The following RASGEF1B variants were observed in gnomAD, a reference collection of about 807,000 sequenced individuals.
RASGEF1B encodes ras-GEF domain-containing family member 1B.
Under a neutral mutation model 65.7 loss-of-function variants are expected in RASGEF1B, and 30 were observed. That is an observed-to-expected ratio of 0.46 (90% confidence interval 0.34 to 0.62). The LOEUF (loss-of-function observed/expected upper bound fraction) is 0.62. Ranked by LOEUF, RASGEF1B falls within the 20% of genes least tolerant of loss-of-function variation. The pLI, the probability that RASGEF1B is intolerant of heterozygous loss-of-function variation, is 0.01. For missense variants in RASGEF1B, 495 were observed against 580.1 expected (o/e 0.85, Z 1.51); for synonymous variants, 175 against 194.8 (o/e 0.90, Z 0.85).
chr4:81,430,717 C>T (rs1721400977), intron 13 of RASGEF1B, among the ~76,000 whole-genome samples: 1 of 152,224 alleles, frequency 6.6e-6, no homozygotes, highest in South Asian at 2.1e-4. Flanking sequence ...GTGAACAGTA[C>T]AGACGTGGGA....
chr4:81,446,735 A>G (rs1722036276), intron 6 of RASGEF1B, among the ~76,000 whole-genome samples: 1 of 152,190 alleles, frequency 6.6e-6, no homozygotes, highest in Non-Finnish European at 1.5e-5. Context: ...GCCAGCTTGA[A>G]GAGGCTAATT....
chr4:81,434,571 A>C, intron 11 of RASGEF1B, 68 bp downstream of exon 11: 1 of 866,494 alleles, frequency 1.2e-6, no homozygotes. Context: ...CTGGCCAGGA[A>C]TGCGGTGCTG....
chr4:81,445,885 T>G (rs1722006447), intron 6 of RASGEF1B, 47 bp from the exon 7 acceptor site: 1 of 1,354,312 alleles, frequency 7.4e-7, no homozygotes, highest in Non-Finnish European at 1.1e-6. Flanking sequence ...AAAAAAACAA[T>G]GTAGTGGACT....
Position 81,431,327 on chromosome 4 carries a change from G to A in RASGEF1B, c.1397+972C>T, listed in dbSNP as rs546146470. On this transcript the variant is annotated intron_variant, in intron 13 of 13. Transcript: ENST00000264400. ...ATATAGGCATCAGCCCAACAAGCCTGTTATATCCCATGGCTTTAGGCATTA... is the reference window on the plus strand; with the variant it reads ...ATATAGGCATCAGCCCAACAAGCCTATTATATCCCATGGCTTTAGGCATTA... Among the ~76,000 whole-genome samples the A allele has an allele frequency of 2.1e-3, 321 of 151,420 alleles. 2 individuals carry two copies. Among genetic ancestry groups the A allele is most frequent in the Non-Finnish European group, 2.9e-3 (197 of 67,856 alleles).
chr4:81,450,963 T>A (rs1722237653), intron 4 of RASGEF1B: 1 of 152,240 alleles, frequency 6.6e-6, no homozygotes, highest in African/African-American at 2.4e-5. Flanking sequence ...GAGAGTTAGA[T>A]ACTACTTCTA....
chr4:81,459,854 AT>A (rs944114219), intron 1 of RASGEF1B, among the ~76,000 whole-genome samples: 3 of 152,194 alleles, frequency 2.0e-5, no homozygotes, highest in Non-Finnish European at 2.9e-5. Context: ...CTGAACTTCT[AT>A]TGCTTTATCG....
At chr4:81,467,863 C>T (rs1722895575) in intron 1 of RASGEF1B, among the ~76,000 whole-genome samples, 1 of 152,092 alleles carries the variant, frequency 6.6e-6, no homozygotes, top group East Asian at 1.9e-4. Flanking sequence ...TCTGGATAAT[C>T]AAAATCATCA....
rs532115204 is a variant in RASGEF1B, at chr4:81,465,443, T to G, written c.-6-5929A>C. Reference sequence around the variant, plus strand: ...ATGAATGTTCTTTCTTAAAATTAATTTGGGAAGTTGAAAAGTTAGTTGACA... The same window carrying G: ...ATGAATGTTCTTTCTTAAAATTAATGTGGGAAGTTGAAAAGTTAGTTGACA... On this transcript the variant is annotated intron_variant, in intron 1 of 13. Coordinates refer to ENST00000264400, the MANE Select transcript of RASGEF1B (RefSeq NM_152545.3). 1.4e-3 allele frequency among the ~76,000 whole-genome samples: 220 copies of G among 152,254 alleles called. 1 individual carries two copies. The highest frequency in any genetic ancestry group is 5.0e-3 in the African/African-American group (206 of 41,528).
chr4:81,437,535 T>G (rs1018277539), intron 10 of RASGEF1B, among the ~76,000 whole-genome samples: 1 of 152,236 alleles, frequency 6.6e-6, no homozygotes, highest in Non-Finnish European at 1.5e-5. Flanking sequence ...AGCTGTGAGA[T>G]TCATGCAGTG....
intron 2 of RASGEF1B, 39 bp from the exon 3 acceptor site, chr4:81,457,660 T>C: frequency 6.2e-7 from 1 of 1,606,856 alleles, no homozygotes; most frequent in East Asian, 2.2e-5. Context: ...TTACATTCTC[T>C]CTGAAATTAA....
chr4:81,427,427 AC>A lies in RASGEF1B; in HGVS notation c.*340del. On this transcript the variant is annotated 3_prime_UTR_variant, in exon 14 of 14. Coordinates refer to ENST00000264400, the MANE Select transcript of RASGEF1B (RefSeq NM_152545.3). Reference sequence around the variant, plus strand: ...CAAATGTTCAACCAAATTAAAAAAAACACACACACACAAAAGAAAACTCCAT... The same window carrying A: ...CAAATGTTCAACCAAATTAAAAAAAAACACACACACAAAAGAAAACTCCAT... 4 of 253,788 alleles carry A rather than the reference AC, an allele frequency of 1.6e-5. No individual in the cohort carries two copies. The highest frequency in any genetic ancestry group is 1.4e-5 in the Non-Finnish European group (2 of 140,262). 15.7% of individuals were successfully genotyped at this position (253,788 alleles called of 1,614,324 possible). A position where few individuals can be genotyped will look rare whatever the true frequency, so the allele number is the denominator to read the frequency against.
chr4:81,442,330 G>T lies in RASGEF1B; in HGVS notation c.975C>A (p.Ala325=). 6.2e-7 allele frequency: 1 copy of T among 1,613,214 alleles called. No homozygotes were observed. Among genetic ancestry groups the T allele is most frequent in the Non-Finnish European group, 8.5e-7 (1 of 1,179,272 alleles). ...SPVSRLKKTW[A]KVKTAKFDIL... ...TGTCAAATTTTGCAGTCTTCACTTT[G>T]GCCCAAGTTTTTTTTAGTCGAGAGA... The change falls in exon 9 of 14, where the codon GCC becomes GCA. Residue 325 remains alanine (A), a synonymous_variant. Transcript: ENST00000264400.
chr4:81,432,911 G>T (rs1415637174), intron 12 of RASGEF1B, among the ~76,000 whole-genome samples: 1 of 151,814 alleles, frequency 6.6e-6, no homozygotes, highest in Non-Finnish European at 1.5e-5. Context: ...ATCCCCTCTG[G>T]CATAGGTGAT....
chr4:81,446,665 A>AGTAGG (rs1433964534), intron 6 of RASGEF1B, among the ~76,000 whole-genome samples: 2 of 152,202 alleles, frequency 1.3e-5, no homozygotes, highest in Non-Finnish European at 2.9e-5. Flanking sequence ...CATGGTCTTT[A>AGTAGG]GTAGGGTGAG....
chr4:81,470,458 A>G (rs990147706), intron 1 of RASGEF1B, among the ~76,000 whole-genome samples: 3 of 152,148 alleles, frequency 2.0e-5, no homozygotes, highest in Admixed American at 6.5e-5. Context: ...TCTGAGTGTG[A>G]CTGTGCCAGA....
chr4:81,448,007 G>A lies in RASGEF1B; in HGVS notation c.654+62C>T, dbSNP rs117722376. On this transcript the variant is annotated intron_variant, in intron 5 of 13. Transcript: ENST00000264400. ...TGACATTACCGCTGACAAATATATCGTCTGGTTGCCAAAGCAAAGCAAATC... is the reference window on the plus strand; with the variant it reads ...TGACATTACCGCTGACAAATATATCATCTGGTTGCCAAAGCAAAGCAAATC... The A allele has an allele frequency of 3.5e-4, 485 of 1,376,360 alleles. 2 individuals are homozygous for A. The East Asian group carries it at 0.01, about 29-fold the overall frequency. 85.3% of individuals were successfully genotyped at this position (1,376,360 alleles called of 1,614,324 possible).
chr4:81,469,654 T>TATAC (rs143154663), intron 1 of RASGEF1B, among the ~76,000 whole-genome samples: 6 of 150,912 alleles, frequency 4.0e-5, no homozygotes, highest in African/African-American at 1.5e-4. Flanking sequence ...TGTGTATATA[T>TATAC]ACACACACAC....
intron 10 of RASGEF1B, among the ~76,000 whole-genome samples, chr4:81,435,722 G>A (rs1260559746): frequency 4.1e-4 from 60 of 144,692 alleles, no homozygotes; most frequent in African/African-American, 1.3e-3. Flanking sequence ...TGATCCGCCC[G>A]CCTTGGCCTC....
chr4:81,471,485 G>A (rs888855509), intron 1 of RASGEF1B, among the ~76,000 whole-genome samples: 4 of 152,196 alleles, frequency 2.6e-5, no homozygotes, highest in African/African-American at 7.2e-5. Context: ...CCTCGCACCT[G>A]TTGGGGCCGC....
Sources: allele counts gnomAD v4.1 joint callset (sites outside exome capture counted in the v4.1 genomes callset), GRCh38; gene constraint gnomAD v4.1.1; transcripts MANE v1.5; gene names NCBI Gene and HGNC (gene_info 2026-07-23, HGNC 2026-07-21).